Variants in KANTR observed in about 807,000 individuals in gnomAD.
The protein encoded by KANTR is KANTR integral membrane protein.
chrX:53,140,757 TGCTGCA>T (rs1933491657), intron 2 of KANTR, among the ~76,000 whole-genome samples: 1 of 111,942 alleles, frequency 8.9e-6, no homozygotes, highest in Non-Finnish European at 1.9e-5. Flanking sequence ...TACCTGACAG[TGCTGCA>T]TTTCAGTTCC....
intron 3 of KANTR, among the ~76,000 whole-genome samples, chrX:53,147,825 G>A (rs189211144): frequency 1.7e-4 from 19 of 111,152 alleles, no homozygotes; most frequent in South Asian, 1.5e-3. Context: ...ACTCAAAACC[G>A]CTCAACTACA....
chrX:53,129,708 A>G (rs1364748705), downstream of KANTR, among the ~76,000 whole-genome samples: 4 of 109,894 alleles, frequency 3.6e-5, no homozygotes, highest in Admixed American at 2.9e-4. Flanking sequence ...GCTTGACTCT[A>G]TAAGATCTTT....
At chrX:53,145,579 C>T (rs1421635326), downstream of KANTR, among the ~76,000 whole-genome samples, 2 of 112,235 alleles carry the variant, frequency 1.8e-5, no homozygotes, top group Non-Finnish European at 3.8e-5. Flanking sequence ...GGGGGCAGGG[C>T]ATTGCCAAAC....
At chrX:53,141,396 A>G (rs1556818434) in intron 2 of KANTR, among the ~76,000 whole-genome samples, 1 of 111,451 alleles carries the variant, frequency 9.0e-6, no homozygotes, top group Non-Finnish European at 1.9e-5. Flanking sequence ...GTTGGTGTGC[A>G]TATGTGTAGT....
intron 2 of KANTR, among the ~76,000 whole-genome samples, chrX:53,108,834 A>G (rs1409953563): frequency 9.1e-6 from 1 of 109,906 alleles, no homozygotes; most frequent in East Asian, 2.9e-4. Flanking sequence ...CAAAGTATGT[A>G]GGACTACAGG....
intron 2 of KANTR, among the ~76,000 whole-genome samples, chrX:53,133,693 G>T (rs1396647812): frequency 2.7e-5 from 3 of 111,571 alleles, no homozygotes; most frequent in Non-Finnish European, 3.8e-5. Flanking sequence ...GGTGGGGGCT[G>T]GTCACAGAGT....
intron 1 of KANTR, 145 bp downstream of exon 1, chrX:53,094,429 C>T (rs1556810516): frequency 8.9e-6 from 1 of 111,936 alleles, no homozygotes; most frequent in Non-Finnish European, 1.9e-5. Flanking sequence ...TCGTGCGGGT[C>T]GCAAAGGGAA....
At chrX:53,095,555 C>T (rs1932839844) in intron 1 of KANTR, among the ~76,000 whole-genome samples, 1 of 110,035 alleles carries the variant, frequency 9.1e-6, no homozygotes, top group Non-Finnish European at 1.9e-5. Context: ...CAATATAATG[C>T]CCTAATTGTA....
At chrX:53,115,952 T>G (rs1338780177) in intron 2 of KANTR, among the ~76,000 whole-genome samples, 1 of 112,075 alleles carries the variant, frequency 8.9e-6, no homozygotes, top group African/African-American at 3.2e-5. Flanking sequence ...GCCATCTTGC[T>G]GCCATCTGGA....
intron 2 of KANTR, among the ~76,000 whole-genome samples, chrX:53,139,860 G>A (rs1208006489): frequency 2.7e-5 from 3 of 110,716 alleles, no homozygotes; most frequent in African/African-American, 9.9e-5. Flanking sequence ...GGAGGCAGGA[G>A]GAAGGGGGAG....
At chrX:53,098,220 T>A (rs782071901) in intron 1 of KANTR, among the ~76,000 whole-genome samples, 1 of 111,511 alleles carries the variant, frequency 9.0e-6, no homozygotes, top group South Asian at 3.7e-4. Flanking sequence ...ATAAAAGTTA[T>A]GTTTACACTG....
intron 2 of KANTR, among the ~76,000 whole-genome samples, chrX:53,136,444 G>A (rs1296681620): frequency 1.9e-5 from 2 of 103,524 alleles, no homozygotes; most frequent in African/African-American, 3.5e-5. Context: ...CACCATGTTG[G>A]CCAGGCTGGT....
At chrX:53,126,741 T>C (rs1235852619) in exon 3 of KANTR, 5 of 112,250 alleles carry the variant, frequency 4.5e-5, no homozygotes, top group African/African-American at 1.6e-4. Context: ...ATATCCTTCG[T>C]TGTATACCCT....
chrX:53,118,088 C>T, intron 2 of KANTR, among the ~76,000 whole-genome samples: 1 of 112,048 alleles, frequency 8.9e-6, no homozygotes, highest in East Asian at 2.8e-4. Context: ...CAGCTTTTTG[C>T]TCTTATGGAC....
chrX:53,147,121 T>C (rs1354084561), downstream of KANTR, among the ~76,000 whole-genome samples: 2 of 111,349 alleles, frequency 1.8e-5, no homozygotes, highest in African/African-American at 3.3e-5. Flanking sequence ...ATAACAATAC[T>C]AACCTTAAAT....
intron 2 of KANTR, among the ~76,000 whole-genome samples, chrX:53,118,071 T>A (rs1933159489): frequency 8.9e-6 from 1 of 112,350 alleles, no homozygotes; most frequent in Non-Finnish European, 1.9e-5. Flanking sequence ...GACATTTGGG[T>A]CATTTCCAGC....
downstream of KANTR, among the ~76,000 whole-genome samples, chrX:53,146,396 A>G (rs1933576126): frequency 8.9e-6 from 1 of 112,066 alleles, no homozygotes; most frequent in Admixed American, 9.5e-5. Flanking sequence ...GGTATCAGTG[A>G]TGGAAGATCA....
intron 2 of KANTR, among the ~76,000 whole-genome samples, chrX:53,137,469 T>C (rs1933440815): frequency 1.8e-5 from 2 of 112,232 alleles, no homozygotes; most frequent in South Asian, 7.3e-4. Flanking sequence ...ACGCCTGTAA[T>C]CCCAGCACTT....
chrX:53,125,966 A>T (rs782818453), exon 3 of KANTR: 4 of 109,383 alleles, frequency 3.7e-5, no homozygotes, highest in African/African-American at 1.3e-4. Context: ...CTTAAAAGAT[A>T]GTTTGTTACA....
Sources: gnomAD v4.1 joint callset for allele counts (sites outside exome capture counted in the v4.1 genomes callset) on GRCh38, gnomAD v4.1.1 for gene constraint, MANE v1.5 for transcripts, NCBI Gene and HGNC (gene_info 2026-07-23, HGNC 2026-07-21) for gene names.